PHACTR1: variants seen among roughly 807,000 people sequenced by gnomAD.
PHACTR1 encodes RPEL repeat containing 1.
In PHACTR1, 16 loss-of-function variants were observed where a neutral mutation model predicts 69.2. The ratio of observed to expected loss-of-function variants is 0.23; its 90% CI spans 0.16 to 0.35. The LOEUF (loss-of-function observed/expected upper bound fraction) is 0.35. Among genes scored for constraint, PHACTR1 ranks in the 10% least tolerant of loss-of-function variants. The probability of loss-of-function intolerance (pLI) is 1.00; values close to 1 mark genes in which losing one functional copy is unlikely to be tolerated. For synonymous variants in PHACTR1, 312 were observed against 284.5 expected, an observed-to-expected ratio of 1.10 and a Z score of -0.97; for missense variants, 510 against 734.7, an observed-to-expected ratio of 0.69 and a Z score of 3.54.
chr6:12,933,942 G>C (rs760270435), intron 4 of PHACTR1: 2 of 1,599,066 alleles, frequency 1.3e-6, no homozygotes, highest in Non-Finnish European at 1.7e-6. Context: ...GCGGGTTGGC[G>C]TGTGTATTCA....
chr6:12,802,362 C>T (rs1393476343), intron 4 of PHACTR1, among the ~76,000 whole-genome samples: 1 of 151,782 alleles, frequency 6.6e-6, no homozygotes, highest in Non-Finnish European at 1.5e-5. Context: ...GTCTTAGGAA[C>T]AAAAAGCTAC....
chr6:12,811,996 A>G (rs75432867), intron 4 of PHACTR1, among the ~76,000 whole-genome samples: 1 of 149,542 alleles, frequency 6.7e-6, no homozygotes, highest in Non-Finnish European at 1.5e-5. Flanking sequence ...TTTTTTTTTT[A>G]TGAGGCAAAT....
intron 4 of PHACTR1, among the ~76,000 whole-genome samples, chr6:13,032,951 C>T (rs1561721493): frequency 6.6e-6 from 1 of 151,966 alleles, no homozygotes; most frequent in East Asian, 1.9e-4. Flanking sequence ...TAGTTTTGGT[C>T]AAAATTTCCC....
chr6:13,125,942 A>AT (rs1228214826), intron 5 of PHACTR1, among the ~76,000 whole-genome samples: 4 of 152,188 alleles, frequency 2.6e-5, no homozygotes, highest in Non-Finnish European at 1.5e-5. Context: ...AAAAAAAAAA[A>AT]TGTTAAACAT....
intron 10 of PHACTR1, among the ~76,000 whole-genome samples, chr6:13,262,020 G>A (rs1473087030): frequency 6.6e-6 from 1 of 152,174 alleles, no homozygotes; most frequent in African/African-American, 2.4e-5. Flanking sequence ...CACTGTAAAG[G>A]CATACTTACT....
At position 13,041,339 on chromosome 6, in the gene PHACTR1, T is replaced by TACATACATACAC. The variant is rs1554113082; in HGVS notation, c.251-12023_251-12022insTACATACACACA. Among the ~76,000 whole-genome samples the TACATACATACAC allele has an allele frequency of 3.1e-3, 424 of 135,454 alleles. 2 individuals are homozygous for TACATACATACAC. The highest frequency in any genetic ancestry group is 1.0e-2 in the African/African-American group (363 of 36,420). The allele number at this position is 135,454 out of a possible 152,430, so 88.9% of individuals were successfully genotyped here. On this transcript the variant is annotated intron_variant, in intron 4 of 14. Transcript: ENST00000332995. Reference sequence around the variant, plus strand: ...AGCCACTGGTGGTAATTAAAATACATACACACACACACACACACACACACA... The same window carrying TACATACATACAC: ...AGCCACTGGTGGTAATTAAAATACATACATACATACACACACACACACACACACACACACACA...
chr6:13,001,529 C>T (rs1477591728), intron 4 of PHACTR1, among the ~76,000 whole-genome samples: 1 of 152,150 alleles, frequency 6.6e-6, no homozygotes, highest in East Asian at 1.9e-4. Flanking sequence ...TCATTGTCCT[C>T]TCCCCACCAT....
chr6:13,175,798 A>C (rs951555030), intron 6 of PHACTR1, among the ~76,000 whole-genome samples: 3 of 152,186 alleles, frequency 2.0e-5, no homozygotes, highest in African/African-American at 7.2e-5. Flanking sequence ...TGTGAGAAAT[A>C]AGACAAATGG....
At position 13,285,551 on chromosome 6, in the gene PHACTR1, T is replaced by C. The variant is rs896903902; in HGVS notation, c.1651-595T>C. The stretch of plus-strand genomic sequence containing the variant: ...GCTGTCTGATTCCAGGCCCTGTGTC[T>C]TCAGTGGCAGTATTATAAGGATGGG... On this transcript the variant is annotated intron_variant, in intron 13 of 14. Transcript: ENST00000332995. Among the ~76,000 whole-genome samples the C allele has an allele frequency of 2.0e-5, 3 of 152,196 alleles. No homozygotes were observed. In the East Asian group the frequency reaches 5.8e-4, roughly 29 times the overall value.
chr6:12,934,066 C>T, intron 4 of PHACTR1: 3 of 1,328,516 alleles, frequency 2.3e-6, no homozygotes, highest in South Asian at 3.1e-5. Context: ...TTGGTGGGGC[C>T]ACGGTCCTTT....
chr6:12,843,479 A>G (rs1454980179), intron 4 of PHACTR1, among the ~76,000 whole-genome samples: 1 of 152,236 alleles, frequency 6.6e-6, no homozygotes, highest in Non-Finnish European at 1.5e-5. Flanking sequence ...GTGTATAGAC[A>G]GATAAATAGA....
At chr6:12,843,388 G>T (rs1488676102) in intron 4 of PHACTR1, among the ~76,000 whole-genome samples, 1 of 152,158 alleles carries the variant, frequency 6.6e-6, no homozygotes, top group East Asian at 1.9e-4. Flanking sequence ...CTAGAATCTG[G>T]TGTAGAAGCT....
intron 5 of PHACTR1, among the ~76,000 whole-genome samples, chr6:13,070,879 G>A (rs1488721289): frequency 1.3e-5 from 2 of 151,956 alleles, no homozygotes; most frequent in Non-Finnish European, 2.9e-5. Flanking sequence ...TGGTTTTGTT[G>A]ATGGTGATTT....
chr6:13,281,578 G>A lies in PHACTR1; in HGVS notation c.1510-1844G>A, dbSNP rs1242412337. The A allele has an allele frequency of 1.6e-5, 3 of 184,206 alleles. No individual in the cohort carries two copies. In the South Asian group the frequency reaches 2.1e-4, roughly 13 times the overall value. 11.4% of individuals were successfully genotyped at this position (184,206 alleles called of 1,614,324 possible). ...TCTAAAAAAAGAAAAATGAAGAAAA[G>A]AAAATAACACTTTGTCTGGCCCCTT... On this transcript the variant is annotated intron_variant, in intron 12 of 14. Coordinates refer to ENST00000332995, the MANE Select transcript of PHACTR1 (RefSeq NM_030948.6).
chr6:12,749,216 G>A (rs893342847), intron 3 of PHACTR1, among the ~76,000 whole-genome samples: 2 of 152,234 alleles, frequency 1.3e-5, no homozygotes, highest in African/African-American at 2.4e-5. Flanking sequence ...AGAGGGCACA[G>A]TGCTGACTGG....
chr6:12,841,006 T>G (rs751145723), intron 4 of PHACTR1, among the ~76,000 whole-genome samples: 1 of 152,222 alleles, frequency 6.6e-6, no homozygotes, highest in Non-Finnish European at 1.5e-5. Context: ...AACATGGAAC[T>G]CACGAAAGTG....
chr6:13,094,484 G>A (rs538295519), intron 5 of PHACTR1, among the ~76,000 whole-genome samples: 4 of 143,466 alleles, frequency 2.8e-5, no homozygotes, highest in Admixed American at 6.8e-5. Flanking sequence ...TAGTAGAGAG[G>A]GGGGGTTTCA....
intron 4 of PHACTR1, among the ~76,000 whole-genome samples, chr6:12,852,827 A>C (rs1308690080): frequency 1.3e-5 from 2 of 152,216 alleles, no homozygotes; most frequent in African/African-American, 4.8e-5. Flanking sequence ...TATGACAGCA[A>C]AGCTTATAGA....
intron 4 of PHACTR1, among the ~76,000 whole-genome samples, chr6:12,994,645 G>C (rs1407924783): frequency 6.6e-6 from 1 of 152,138 alleles, no homozygotes; most frequent in Non-Finnish European, 1.5e-5. Context: ...AGGAGGAAAA[G>C]GGGAATGGGA....
Sources: allele counts gnomAD v4.1 joint callset (sites outside exome capture counted in the v4.1 genomes callset), GRCh38; gene constraint gnomAD v4.1.1; transcripts MANE v1.5; gene names NCBI Gene and HGNC (gene_info 2026-07-23, HGNC 2026-07-21).